PDILT: variants seen among roughly 807,000 people sequenced by gnomAD.
PDILT encodes protein disulfide isomerase like, testis expressed.
A neutral mutation model predicts 53.7 loss-of-function variants in PDILT; 43 were observed. That is an observed-to-expected ratio of 0.80 (90% CI 0.63 to 1.03). The LOEUF is 1.03. PDILT is among the 50% of genes least tolerant of loss of function. The probability of loss-of-function intolerance (pLI) is 0.00; values close to 1 mark genes in which losing one functional copy is unlikely to be tolerated. For missense variants in PDILT, 727 were observed against 712.3 expected (o/e 1.02, Z -0.24); for synonymous variants, 282 against 274.2 (o/e 1.03, Z -0.28).
At position 20,399,256 on chromosome 16, in the gene PDILT, G is replaced by A; in HGVS notation, c.45C>T (p.Val15=). ...CCTCTGGTGAGCTGTGGACAGCAGAGACACAAGCGGCCACCAGCAGCAGGG... is the reference window on the plus strand; with the variant it reads ...CCTCTGGTGAGCTGTGGACAGCAGAAACACAAGCGGCCACCAGCAGCAGGG... The part of the protein sequence containing the change: ...WMPLLLVAAC[V]SAVHSSPEVN... Residue 15 remains valine (V), a synonymous_variant, in exon 2 of 12, where the codon GTC becomes GTT. Coordinates refer to ENST00000302451, the MANE Select transcript of PDILT (RefSeq NM_174924.2). The A allele has an allele frequency of 1.9e-6, 3 of 1,614,064 alleles. No homozygotes were observed. Among genetic ancestry groups the A allele is most frequent in the Non-Finnish European group, 2.5e-6 (3 of 1,179,924 alleles).
At position 20,384,741 on chromosome 16, in the gene PDILT, T is replaced by A; in HGVS notation, c.313A>T (p.Ile105Leu). 6.2e-7 allele frequency: 1 copy of A among 1,614,216 alleles called. No individual in the cohort carries two copies. The highest frequency in any genetic ancestry group is 1.1e-5 in the South Asian group (1 of 91,074). ...GIGFGKVDIT[I>L]EKELQQEFGI... Reference sequence around the variant, plus strand: ...AACTCCTGCTGAAGCTCCTTCTCTATGGTAATGTCCACTTTGCCAAAGCCG... The same window carrying A: ...AACTCCTGCTGAAGCTCCTTCTCTAAGGTAATGTCCACTTTGCCAAAGCCG... The change falls in exon 3 of 12, where the codon ATA becomes TTA. Residue 105 changes from isoleucine (I) to leucine (L), a missense_variant. Ile to Leu is a conservative substitution (Grantham distance 5). Coordinates refer to ENST00000302451, the MANE Select transcript of PDILT (RefSeq NM_174924.2).
At chr16:20,385,271 G>A (rs903397353) in intron 2 of PDILT, among the ~76,000 whole-genome samples, 4 of 152,186 alleles carry the variant, frequency 2.6e-5, no homozygotes, top group Admixed American at 2.6e-4. Context: ...AACTCTGTGG[G>A]ATAGGTATTA....
In PDILT at chr16:20,373,070, T is replaced by C; in HGVS notation, c.734A>G (p.Glu245Gly). Residue 245 changes from glutamate (E) to glycine (G), a missense_variant, in exon 6 of 12, where the codon GAA becomes GGA. Glu to Gly is a moderately conservative substitution (Grantham distance 98, BLOSUM62 -2). Transcript: ENST00000302451. ...GTGCTGTTTTATGACACGATTGAGT[T>C]CCTGTTTGTTGGTACTGTCATTAAT... ...KLINDSTNKQ[E>G]LNRVIKQHLT... 1 of 1,614,148 alleles carries C rather than the reference T, an allele frequency of 6.2e-7. No individual in the cohort carries two copies. Among genetic ancestry groups the C allele is most frequent in the South Asian group, 1.1e-5 (1 of 91,082 alleles).
chr16:20,379,337 C>T (rs1966428937), intron 3 of PDILT, among the ~76,000 whole-genome samples: 1 of 152,274 alleles, frequency 6.6e-6, no homozygotes, highest in Admixed American at 6.5e-5. Context: ...CCACACCCCA[C>T]TAATTTTTTA....
At chr16:20,395,035 G>A (rs1015324016) in intron 2 of PDILT, among the ~76,000 whole-genome samples, 1 of 151,836 alleles carries the variant, frequency 6.6e-6, no homozygotes, top group Admixed American at 6.6e-5. Context: ...TATTAAAGTG[G>A]GTAATACATA....
At chr16:20,399,839 G>A (rs1356322804) in intron 1 of PDILT, among the ~76,000 whole-genome samples, 1 of 151,660 alleles carries the variant, frequency 6.6e-6, no homozygotes, top group Non-Finnish European at 1.5e-5. Flanking sequence ...TATTTAAAAA[G>A]TCATAACTAT....
chr16:20,365,267 C>T (rs1966172626), intron 9 of PDILT, among the ~76,000 whole-genome samples, 153 bp downstream of exon 9: 1 of 152,120 alleles, frequency 6.6e-6, no homozygotes, highest in Non-Finnish European at 1.5e-5. Context: ...TTCCTGATAG[C>T]ATCTTGAGTC....
At position 20,360,597 on chromosome 16, in the gene PDILT, T is replaced by A. The variant is rs1373068524; in HGVS notation, c.1477A>T (p.Ile493Phe). ...TCCTCATCCTCAATCTTAGTTTTGA[T>A]GTGGCTTTCCAGGAAGTCAGAGAAG... is the stretch of plus-strand genomic sequence containing the variant. ...KGFSDFLESH[I>F]KTKIEDEDEL... The change falls in exon 11 of 12, where the codon ATC (isoleucine) becomes TTC (phenylalanine). Residue 493 changes from isoleucine to phenylalanine, a missense_variant. Physicochemically the swap from Ile to Phe is conservative, Grantham distance 21 (BLOSUM62 0). Coordinates refer to ENST00000302451, the MANE Select transcript of PDILT (RefSeq NM_174924.2). 1 of 1,613,996 alleles carries A rather than the reference T, an allele frequency of 6.2e-7. No individual in the cohort carries two copies. The highest frequency in any genetic ancestry group is 1.3e-5 in the African/African-American group (1 of 74,934).
intron 2 of PDILT, among the ~76,000 whole-genome samples, chr16:20,392,586 C>A (rs998221340): frequency 2.0e-5 from 3 of 152,098 alleles, no homozygotes; most frequent in Non-Finnish European, 4.4e-5. Context: ...CTTTAGAAGG[C>A]CGGCTAGTTT....
In PDILT at chr16:20,366,936, TTTCCTTCCTTCCTTCCTTCC is replaced by T. The variant is rs554919222; in HGVS notation, c.1117-1416_1117-1397del. On this transcript the variant is annotated intron_variant, in intron 8 of 11. Coordinates refer to ENST00000302451, the MANE Select transcript of PDILT (RefSeq NM_174924.2). ...TCATTGCTCTTAGGAAACCAAATTC[TTTCCTTCCTTCCTTCCTTCC>T]TTCCTTCCTTCCTTCCTTCCTTCCT... Among the ~76,000 whole-genome samples the T allele has an allele frequency of 5.1e-3, 182 of 35,582 alleles. 6 individuals carry two copies. Among genetic ancestry groups the T allele is most frequent in the Non-Finnish European group, 7.0e-3 (77 of 10,942 alleles). The allele number at this position is 35,582 out of a possible 152,430, so 23.3% of individuals were successfully genotyped here. A position where few individuals can be genotyped will look rare whatever the true frequency, so the allele number is the denominator to read the frequency against.
In PDILT at chr16:20,362,403, C is replaced by T. The variant is rs1966117914; in HGVS notation, c.1416+1G>A. ...CCATGTGCGTCCCAAGAGCCCCTCA[C>T]TTGTTGAGAGCCGCTGGGGAACAGC... On this transcript the variant is annotated splice_donor_variant, in intron 10 of 11. Transcript: ENST00000302451. LOFTEE classifies it high-confidence loss of function. 4 of 1,613,826 alleles carry T rather than the reference C, an allele frequency of 2.5e-6. No homozygotes were observed. The highest frequency in any genetic ancestry group is 1.7e-6 in the Non-Finnish European group (2 of 1,179,894).
chr16:20,367,507 A>G (rs948010988), intron 8 of PDILT, among the ~76,000 whole-genome samples: 6 of 152,188 alleles, frequency 3.9e-5, no homozygotes, highest in African/African-American at 1.4e-4. Context: ...GGTGGATCTC[A>G]TAGATCTTGT....
intron 8 of PDILT, among the ~76,000 whole-genome samples, chr16:20,367,665 A>G (rs898231691): frequency 6.6e-6 from 1 of 152,194 alleles, no homozygotes; most frequent in African/African-American, 2.4e-5. Context: ...GAGGCCTCCA[A>G]TGTGAGGACA....
intron 11 of PDILT, among the ~76,000 whole-genome samples, chr16:20,360,004 A>C (rs909943739): frequency 3.9e-5 from 6 of 152,202 alleles, no homozygotes; most frequent in African/African-American, 1.4e-4. Context: ...GGAAATGACT[A>C]CTTGAGAATG....
intron 3 of PDILT, among the ~76,000 whole-genome samples, chr16:20,378,003 T>C (rs1966410594): frequency 6.6e-6 from 1 of 151,278 alleles, no homozygotes; most frequent in Non-Finnish European, 1.5e-5. Flanking sequence ...TGGAGTTAAC[T>C]AGGAGGCATT....
At chr16:20,370,354 A>C (rs1475151431) in intron 7 of PDILT, among the ~76,000 whole-genome samples, 16 of 152,238 alleles carry the variant, frequency 1.1e-4, no homozygotes, top group Admixed American at 7.2e-4. Flanking sequence ...ACAATAAAAC[A>C]GGGCAATGTG....
intron 2 of PDILT, among the ~76,000 whole-genome samples, chr16:20,397,695 G>A (rs1262333906): frequency 1.3e-5 from 2 of 152,208 alleles, no homozygotes; most frequent in African/African-American, 4.8e-5. Context: ...CAGAACAACA[G>A]CCGCGAGGAG....
chr16:20,379,793 A>G (rs780954674), intron 3 of PDILT, among the ~76,000 whole-genome samples: 18 of 152,212 alleles, frequency 1.2e-4, no homozygotes, highest in Non-Finnish European at 2.4e-4. Flanking sequence ...ATTCATGTGA[A>G]GCTGATATGG....
At chr16:20,366,384 C>T (rs1966192036) in intron 8 of PDILT, among the ~76,000 whole-genome samples, 1 of 152,168 alleles carries the variant, frequency 6.6e-6, no homozygotes, top group South Asian at 2.1e-4. Context: ...CTCAGAATGA[C>T]CCAAGGGAGG....
Sources: gnomAD v4.1 joint callset for allele counts (sites outside exome capture counted in the v4.1 genomes callset) on GRCh38, gnomAD v4.1.1 for gene constraint, MANE v1.5 for transcripts, NCBI Gene and HGNC (gene_info 2026-07-23, HGNC 2026-07-21) for gene names.